Variants in DUSP29 observed in about 807,000 individuals in gnomAD.
DUSP29 encodes dual specificity phosphatase 29.
Under a neutral mutation model 13.5 loss-of-function variants are expected in DUSP29, and 12 were observed. The ratio of observed to expected loss-of-function variants is 0.89; its 90% confidence interval spans 0.57 to 1.44. DUSP29 has a LOEUF of 1.44. Among genes scored for constraint, DUSP29 ranks in the 40% most tolerant of loss-of-function variants. DUSP29 has a pLI of 0.00. For missense variants in DUSP29, 308 were observed against 301.1 expected (o/e 1.02, Z -0.17); for synonymous variants, 134 against 128.7 (o/e 1.04, Z -0.28).
At chr10:75,058,586 G>A (rs1440877494) in intron 1 of DUSP29, 38 bp from the exon 2 acceptor site, 3 of 1,533,428 alleles carry the variant, frequency 2.0e-6, no homozygotes, top group African/African-American at 1.4e-5. Flanking sequence ...GGTTAGCAGG[G>A]GACACTGAGG....
intron 3 of DUSP29, among the ~76,000 whole-genome samples, chr10:75,041,360 G>A (rs1846579652): frequency 6.6e-6 from 1 of 152,194 alleles, no homozygotes; most frequent in Non-Finnish European, 1.5e-5. Context: ...CTGTTGCCAA[G>A]ACCTAAAAAT....
intron 1 of DUSP29, among the ~76,000 whole-genome samples, chr10:75,067,968 C>G (rs1042809684): frequency 3.9e-5 from 6 of 151,934 alleles, no homozygotes; most frequent in Non-Finnish European, 8.8e-5. Flanking sequence ...GCTCACCATC[C>G]CGCCCAGCTA....
chr10:75,045,988 T>A (rs1846698002), intron 2 of DUSP29, among the ~76,000 whole-genome samples: 1 of 151,968 alleles, frequency 6.6e-6, no homozygotes, highest in African/African-American at 2.4e-5. Flanking sequence ...TGCTGGCATG[T>A]GCCTGTAGTC....
chr10:75,068,797 A>G (rs978550408), intron 1 of DUSP29, among the ~76,000 whole-genome samples: 1 of 152,198 alleles, frequency 6.6e-6, no homozygotes, highest in African/African-American at 2.4e-5. Context: ...TTAACTTAGT[A>G]CAAGTTAGTG....
At chr10:75,068,890 G>A (rs570845012) in intron 1 of DUSP29, among the ~76,000 whole-genome samples, 1 of 152,126 alleles carries the variant, frequency 6.6e-6, no homozygotes, top group Non-Finnish European at 1.5e-5. Context: ...AAGAAAACTT[G>A]GACGTAAAAA....
intron 1 of DUSP29, among the ~76,000 whole-genome samples, chr10:75,060,371 G>A (rs113462151): frequency 8.9e-4 from 135 of 151,988 alleles, no homozygotes; most frequent in African/African-American, 3.0e-3. Context: ...TCAGGAGGCT[G>A]AGGCTGAGGT....
At chr10:75,043,764 G>A in intron 3 of DUSP29, 33 bp downstream of exon 3, 1 of 1,580,772 alleles carries the variant, frequency 6.3e-7, no homozygotes, top group Middle Eastern at 2.3e-4. Context: ...GGGCGGGGCG[G>A]GGCCGATCGG....
chr10:75,058,494 C>A lies in DUSP29; in HGVS notation c.21G>T (p.Lys7Asn), dbSNP rs201940405. The A allele has an allele frequency of 5.2e-5, 84 of 1,614,216 alleles. No homozygotes were observed. Among genetic ancestry groups the A allele is most frequent in the Non-Finnish European group, 2.8e-5 (33 of 1,180,050 alleles). ...ATGAGTAGGCATTCTTGAGGCTTGTCTTCACTTCTCCAGATGTCATTTTAG... is the reference window on the plus strand; with the variant it reads ...ATGAGTAGGCATTCTTGAGGCTTGTATTCACTTCTCCAGATGTCATTTTAG... MTSGEV[K>N]TSLKNAYSSA... Residue 7 changes from lysine to asparagine, a missense_variant, in exon 2 of 4, where the codon AAG becomes AAT. By Grantham distance (94) the Lys-to-Asn change is moderately conservative. Transcript: ENST00000338487.
intron 1 of DUSP29, among the ~76,000 whole-genome samples, chr10:75,059,072 G>A (rs1046739575): frequency 6.6e-6 from 1 of 152,170 alleles, no homozygotes; most frequent in African/African-American, 2.4e-5. Flanking sequence ...CACATCAGCA[G>A]GACTTCAGAA....
At chr10:75,054,111 T>G (rs1334466757) in intron 2 of DUSP29, among the ~76,000 whole-genome samples, 3 of 152,152 alleles carry the variant, frequency 2.0e-5, no homozygotes, top group African/African-American at 7.2e-5. Context: ...ATGGCAGAAG[T>G]GACTTGAATG....
intron 1 of DUSP29, among the ~76,000 whole-genome samples, chr10:75,068,443 C>G (rs1019738739): frequency 6.6e-6 from 1 of 152,230 alleles, no homozygotes; most frequent in African/African-American, 2.4e-5. Context: ...TGCCACTGCA[C>G]TCCAGCCTGG....
At chr10:75,057,184 G>A (rs1358691320) in intron 2 of DUSP29, among the ~76,000 whole-genome samples, 2 of 152,076 alleles carry the variant, frequency 1.3e-5, no homozygotes, top group African/African-American at 4.8e-5. Context: ...CTGAGACAGA[G>A]GATTGCTTGA....
intron 2 of DUSP29, among the ~76,000 whole-genome samples, chr10:75,047,904 AG>A (rs910050567): frequency 1.1e-3 from 169 of 152,290 alleles, no homozygotes; most frequent in African/African-American, 3.9e-3. Flanking sequence ...TTTTATAGAA[AG>A]GTTTTTTTTT....
Position 75,062,951 on chromosome 10 carries a change from G to A in DUSP29, c.-34-4403C>T, listed in dbSNP as rs535980672. 3.9e-5 allele frequency among the ~76,000 whole-genome samples: 6 copies of A among 152,302 alleles called. No homozygotes were observed. The South Asian group carries it at 1.0e-3, about 26-fold the overall frequency. On this transcript the variant is annotated intron_variant, in intron 1 of 3. Coordinates refer to ENST00000338487, the MANE Select transcript of DUSP29 (RefSeq NM_001003892.3). ...GGAAATCAAATGCTGTCTCCGAGAC[G>A]ACTTGGCCTACATGCAATGGCAGCC...
At chr10:75,068,595 G>A (rs1320165005) in intron 1 of DUSP29, among the ~76,000 whole-genome samples, 2 of 152,148 alleles carry the variant, frequency 1.3e-5, no homozygotes, top group Non-Finnish European at 2.9e-5. Context: ...CTGTGTTTAA[G>A]TGCCTGTGTA....
chr10:75,063,380 T>C (rs1378616799), intron 1 of DUSP29, among the ~76,000 whole-genome samples: 1 of 113,378 alleles, frequency 8.8e-6, no homozygotes, highest in Non-Finnish European at 1.7e-5. Flanking sequence ...CAGTTCTTTA[T>C]ATACATAAAA....
chr10:75,066,460 A>T (rs1564646491), intron 1 of DUSP29, among the ~76,000 whole-genome samples: 3 of 152,164 alleles, frequency 2.0e-5, no homozygotes, highest in Admixed American at 6.5e-5. Context: ...ATACAGAACC[A>T]TCCCCTTCTT....
chr10:75,044,045 G>T, intron 2 of DUSP29, 28 bp from the exon 3 acceptor site: 1 of 1,588,798 alleles, frequency 6.3e-7, no homozygotes, highest in African/African-American at 1.3e-5. Flanking sequence ...AAATCTGTGG[G>T]CGCGCGGCGC....
chr10:75,056,835 C>A (rs183005538), intron 2 of DUSP29, among the ~76,000 whole-genome samples: 9 of 152,198 alleles, frequency 5.9e-5, no homozygotes, highest in Admixed American at 4.6e-4. Flanking sequence ...TAACCCTCTA[C>A]CTCATTTAAC....
Sources: gnomAD v4.1 joint callset for allele counts (sites outside exome capture counted in the v4.1 genomes callset) on GRCh38, gnomAD v4.1.1 for gene constraint, MANE v1.5 for transcripts, NCBI Gene and HGNC (gene_info 2026-07-23, HGNC 2026-07-21) for gene names.